Variants in AKR7A2 observed in about 807,000 individuals in gnomAD.
The protein encoded by AKR7A2 is aflatoxin B1 aldehyde reductase member 2.
AKR7A2 carries 29 observed loss-of-function variants against 37.3 expected under a neutral mutation model. That is an observed-to-expected ratio of 0.78 (90% CI 0.58 to 1.06). AKR7A2 has a LOEUF of 1.06. Ranked by LOEUF, AKR7A2 falls within the 50% of genes least tolerant of loss-of-function variation. The pLI, the probability that AKR7A2 is intolerant of heterozygous loss-of-function variation, is 0.00. For missense variants in AKR7A2, 529 were observed against 497.9 expected, an observed-to-expected ratio of 1.06 and a Z score of -0.59; for synonymous variants, 228 against 217.8, an observed-to-expected ratio of 1.05 and a Z score of -0.41.
intron 3 of AKR7A2, 98 bp downstream of exon 3, chr1:19,308,057 GGCT>G: frequency 6.9e-7 from 1 of 1,459,306 alleles, no homozygotes; most frequent in Non-Finnish European, 9.6e-7. Context: ...GCAGGGGAGT[GGCT>G]GCTATGCAGA....
chr1:19,310,729 G>C (rs1224845867), intron 1 of AKR7A2, among the ~76,000 whole-genome samples: 1 of 151,524 alleles, frequency 6.6e-6, no homozygotes, highest in African/African-American at 2.4e-5. Flanking sequence ...AAACAGCGTG[G>C]GCCTGAGATT....
At chr1:19,307,913 G>A (rs145212409) in intron 3 of AKR7A2, 11 of 604,170 alleles carry the variant, frequency 1.8e-5, no homozygotes, top group Admixed American at 5.5e-5. Flanking sequence ...GTTCCAGGCT[G>A]AAGTATGAAA....
rs746613634 is a variant in AKR7A2, at chr1:19,312,075, G to T, written c.50C>A (p.Ala17Glu). The T allele has an allele frequency of 2.2e-6, 3 of 1,352,014 alleles. No individual in the cohort carries two copies. In the South Asian group the frequency reaches 5.8e-5, roughly 26 times the overall value. 83.8% of individuals were successfully genotyped at this position (1,352,014 alleles called of 1,614,324 possible). The change falls in exon 1 of 7, where the codon GCG (alanine) becomes GAG (glutamate). Residue 17 changes from alanine (A) to glutamate (E), a missense_variant. Physicochemically the swap from Ala to Glu is moderately radical, Grantham distance 107. Coordinates refer to ENST00000235835, the MANE Select transcript of AKR7A2 (RefSeq NM_003689.4). ...RVVSRAAVHC[A>E]LRSPPPEARA... is the part of the protein sequence containing the mutation. ...GGCCTCGGGCGGCGGAGAGCGAAGC[G>T]CGCAGTGGACGGCGGCGCGGGAGAC...
In AKR7A2 at chr1:19,308,195, C is replaced by T. The variant is rs774097352; in HGVS notation, c.554G>A (p.Cys185Tyr). The T allele has an allele frequency of 1.2e-6, 2 of 1,614,024 alleles. No homozygotes were observed. The highest frequency in any genetic ancestry group is 2.7e-5 in the African/African-American group (2 of 74,922). Reference sequence around the variant, plus strand: ...GGGCAGGATCCAGCCATTGCTCTTGCAGAGGGTACAGATCTCGGCCACTTC... The same window carrying T: ...GGGCAGGATCCAGCCATTGCTCTTGTAGAGGGTACAGATCTCGGCCACTTC... ...SWEVAEICTL[C>Y]KSNGWILPTV... is the part of the protein sequence containing the mutation. The change falls in exon 3 of 7, where the codon TGC (cysteine) becomes TAC (tyrosine). Residue 185 changes from cysteine to tyrosine, a missense_variant. Transcript: ENST00000235835.
At chr1:19,303,939 A>G (rs1490233940), downstream of AKR7A2, 6 of 467,044 alleles carry the variant, frequency 1.3e-5, no homozygotes, top group African/African-American at 3.9e-5. Context: ...GATGGGAAAC[A>G]AAGTGTTAAC....
intron 6 of AKR7A2, among the ~76,000 whole-genome samples, chr1:19,305,674 CAA>C (rs1440803886): frequency 6.6e-6 from 1 of 152,162 alleles, no homozygotes; most frequent in African/African-American, 2.4e-5. Flanking sequence ...CATGAGGCAT[CAA>C]GAGAGAGAAA....
At chr1:19,307,174 C>A (rs538343102) in intron 4 of AKR7A2, 73 bp from the exon 5 acceptor site, 5 of 1,596,288 alleles carry the variant, frequency 3.1e-6, no homozygotes, top group Non-Finnish European at 4.3e-6. Context: ...GGGCTCTGGT[C>A]TAGGGGAGGG....
intron 1 of AKR7A2, among the ~76,000 whole-genome samples, chr1:19,310,817 T>G (rs1000083657): frequency 1.3e-5 from 2 of 150,684 alleles, no homozygotes; most frequent in African/African-American, 2.5e-5. Context: ...TCCTCAGGGG[T>G]GGGGAGCAAC....
chr1:19,307,754 A>G (rs2093764412), intron 3 of AKR7A2: 1 of 492,432 alleles, frequency 2.0e-6, no homozygotes, highest in Admixed American at 3.3e-5. Flanking sequence ...CTACAATCAA[A>G]CAAGGAGCTG....
intron 5 of AKR7A2, among the ~76,000 whole-genome samples, chr1:19,306,767 T>C (rs562265770): frequency 2.2e-4 from 34 of 152,252 alleles, no homozygotes; most frequent in Non-Finnish European, 4.7e-4. Context: ...CAGCAGGTGA[T>C]TGCTCAGGAA....
Position 19,304,174 on chromosome 1 carries a change from A to G in AKR7A2, c.*51T>C. The G allele has an allele frequency of 6.2e-7, 1 of 1,614,030 alleles. No individual in the cohort carries two copies. Among genetic ancestry groups the G allele is most frequent in the African/African-American group, 1.3e-5 (1 of 75,068 alleles). ...TAAGGCCAAGACTGGTCAGTGTGAG[A>G]GAACAAAAGAGGTGACAGAAAAGCC... On this transcript the variant is annotated 3_prime_UTR_variant, in exon 7 of 7. Transcript: ENST00000235835.
rs377621683 is a variant in AKR7A2 at position 19,307,087 on chromosome 1, C to A, written c.703G>T (p.Gly235Cys). The change falls in exon 5 of 7, where the codon GGC (glycine) becomes TGC (cysteine). Residue 235 changes from glycine to cysteine, a missense_variant. Gly to Cys is a radical substitution (Grantham distance 159). Transcript: ENST00000235835. ...YNPLAGGLLT[G>C]KYKYEDKDGK... ...TCCTTGTCCTCATACTTGTACTTGC[C>A]AGTCAGCAGGCCCCCTGCGGGAAGG... 94 of 1,614,154 alleles carry A rather than the reference C, an allele frequency of 5.8e-5. No individual in the cohort carries two copies. Among genetic ancestry groups the A allele is most frequent in the Non-Finnish European group, 7.6e-5 (90 of 1,180,056 alleles).
chr1:19,308,421 G>T, intron 2 of AKR7A2, 34 bp downstream of exon 2: 1 of 1,610,460 alleles, frequency 6.2e-7, no homozygotes. Flanking sequence ...AAAGGAGCAG[G>T]AGCCCACCTT....
intron 5 of AKR7A2, among the ~76,000 whole-genome samples, chr1:19,306,556 T>G (rs781004333): frequency 6.6e-6 from 1 of 151,840 alleles, no homozygotes; most frequent in Non-Finnish European, 1.5e-5. Flanking sequence ...GCCTCAGCCT[T>G]CCAAGTAGCT....
chr1:19,306,049 A>C lies in AKR7A2; in HGVS notation c.887T>G (p.Leu296Arg). ...CTGTGAGTGGTGGTACATCCACCGG[A>C]GGGCAGCCGAGGTCACACTGGGGGC... ...ASAPSVTSAALRWMYHHSQLQ... is the reference protein window; with the variant it reads ...ASAPSVTSAARRWMYHHSQLQ... The change falls in exon 6 of 7, where the codon CTC (leucine) becomes CGC (arginine). Residue 296 changes from leucine to arginine, a missense_variant. By Grantham distance (102) the Leu-to-Arg change is moderately radical. Coordinates refer to ENST00000235835, the MANE Select transcript of AKR7A2 (RefSeq NM_003689.4). 1 of 1,614,068 alleles carries C rather than the reference A, an allele frequency of 6.2e-7. No individual in the cohort carries two copies. Among genetic ancestry groups the C allele is most frequent in the South Asian group, 1.1e-5 (1 of 91,076 alleles).
At chr1:19,304,989 C>CT (rs112155249) in intron 6 of AKR7A2, 231 of 150,602 alleles carry the variant, frequency 1.5e-3, no homozygotes, top group East Asian at 7.4e-3. Flanking sequence ...GACATTCGAT[C>CT]TTTTTTTTTT....
chr1:19,307,695 G>T, intron 3 of AKR7A2: 1 of 545,904 alleles, frequency 1.8e-6, no homozygotes, highest in Non-Finnish European at 3.3e-6. Flanking sequence ...GTTTACTCAA[G>T]TTTAAAAAAA....
Position 19,304,890 on chromosome 1 carries a change from G to A in AKR7A2, c.919-504C>T, listed in dbSNP as rs1248840880. On this transcript the variant is annotated intron_variant, in intron 6 of 6. Coordinates refer to ENST00000235835, the MANE Select transcript of AKR7A2 (RefSeq NM_003689.4). ...GGAGGTTGAGGTTGCAGTGAGCTAT[G>A]AGTGTGCTGCTGTTCTACCGCCTGG... 2.0e-5 allele frequency among the ~76,000 whole-genome samples: 3 copies of A among 152,150 alleles called. No individual in the cohort carries two copies. The East Asian group carries it at 5.8e-4, about 29-fold the overall frequency.
At position 19,308,597 on chromosome 1, in the gene AKR7A2, T is replaced by C. The variant is rs757503978; in HGVS notation, c.344A>G (p.Lys115Arg). The change falls in exon 2 of 7, where the codon AAG becomes AGG. Residue 115 changes from lysine (K) to arginine (R), a missense_variant. Lys to Arg is a conservative substitution (Grantham distance 26). Transcript: ENST00000235835. Reference sequence around the variant, plus strand: ...CAGCTGGGACCGGACACTGTCAGGCTTTAGTGATTTTCCATCCCAAGGGTT... The same window carrying C: ...CAGCTGGGACCGGACACTGTCAGGCCTTAGTGATTTTCCATCCCAAGGGTT... ...KANPWDGKSL[K>R]PDSVRSQLET... is the part of the protein sequence containing the mutation. 1 of 1,614,194 alleles carries C rather than the reference T, an allele frequency of 6.2e-7. No individual in the cohort carries two copies. The highest frequency in any genetic ancestry group is 8.5e-7 in the Non-Finnish European group (1 of 1,180,028).
Sources: allele counts gnomAD v4.1 joint callset (sites outside exome capture counted in the v4.1 genomes callset), GRCh38; gene constraint gnomAD v4.1.1; transcripts MANE v1.5; gene names NCBI Gene and HGNC (gene_info 2026-07-23, HGNC 2026-07-21).